AVEN: variants seen among roughly 807,000 people sequenced by gnomAD.
AVEN encodes the protein apoptosis and caspase activation inhibitor.
In AVEN, 41 loss-of-function variants were observed where a neutral mutation model predicts 38.1. The ratio of observed to expected loss-of-function variants is 1.08; its 90% confidence interval spans 0.84 to 1.40. The LOEUF (loss-of-function observed/expected upper bound fraction) is 1.40, where lower values mean the gene tolerates loss of function less well. Ranked by LOEUF, AVEN falls within the 40% of genes most tolerant of loss-of-function variation. The pLI, the probability that AVEN is intolerant of heterozygous loss-of-function variation, is 0.00. For missense variants in AVEN, 605 were observed against 438.8 expected (o/e 1.38, Z -3.38); for synonymous variants, 206 against 171.8 (o/e 1.20, Z -1.56).
chr15:33,853,045 A>G, the AVEN span: 11 of 1,606,412 alleles, frequency 6.8e-6, no homozygotes, highest in South Asian at 1.2e-4. Flanking sequence ...TGTTTTTCAG[A>G]TCTTTTCCTA....
intron 2 of AVEN, among the ~76,000 whole-genome samples, chr15:33,956,432 T>C (rs1894955705): frequency 6.6e-6 from 1 of 152,244 alleles, no homozygotes; most frequent in East Asian, 1.9e-4. Flanking sequence ...ATCTCTCCTA[T>C]GAGTGCATTG....
At chr15:34,029,517 C>CAAAAAAAAAAAA (rs66519745) in intron 1 of AVEN, among the ~76,000 whole-genome samples, 1 of 118,692 alleles carries the variant, frequency 8.4e-6, no homozygotes. Flanking sequence ...CCTATTTCTA[C>CAAAAAAAAAAAA]AAAAAAAAAA....
chr15:33,951,801 G>T (rs931950879), intron 2 of AVEN, among the ~76,000 whole-genome samples: 3 of 152,208 alleles, frequency 2.0e-5, no homozygotes, highest in African/African-American at 7.2e-5. Flanking sequence ...ATGATAAGAA[G>T]AAATTGTTTA....
intron 2 of AVEN, among the ~76,000 whole-genome samples, chr15:33,954,961 T>C (rs1376948286): frequency 2.0e-5 from 3 of 152,208 alleles, no homozygotes; most frequent in Non-Finnish European, 4.4e-5. Context: ...TGGCTATCTT[T>C]CTACAGCTTT....
intron 5 of AVEN, among the ~76,000 whole-genome samples, chr15:34,049,335 G>C (rs188975712): frequency 1.3e-5 from 2 of 152,322 alleles, no homozygotes; most frequent in African/African-American, 4.8e-5. Flanking sequence ...CTGACAGCCA[G>C]AGTAGCCAGT....
At chr15:34,038,665 C>CCGG in intron 1 of AVEN, 115 bp downstream of exon 1, 13 of 1,014,294 alleles carry the variant, frequency 1.3e-5, no homozygotes, top group Non-Finnish European at 1.4e-5. Context: ...GGCGCCGGCG[C>CCGG]CGCCGCCCGT....
intron 11 of AVEN, chr15:33,861,140 AAC>A (rs745611335): frequency 6.3e-7 from 1 of 1,597,130 alleles, no homozygotes; most frequent in Non-Finnish European, 8.5e-7. Flanking sequence ...ATGGTTTTGA[AAC>A]ACATACATTA....
chr15:33,866,417 A>AAAAC lies in AVEN; in HGVS notation c.*192_*195dup. ...AAATCTATTAGATTACTAAGCCAGA[A>AAAAC]AAACAAATGCAACAAGCTGCTTCAA... On this transcript the variant is annotated 3_prime_UTR_variant, in exon 6 of 6. Transcript: ENST00000306730. 5.1e-6 allele frequency: 3 copies of AAAAC among 585,532 alleles called. No individual in the cohort carries two copies. Among genetic ancestry groups the AAAAC allele is most frequent in the Middle Eastern group, 4.5e-4 (1 of 2,244 alleles). The allele number at this position is 585,532 out of a possible 1,614,324, so 36.3% of individuals were successfully genotyped here. A position where few individuals can be genotyped will look rare whatever the true frequency, so the allele number is the denominator to read the frequency against.
intron 2 of AVEN, among the ~76,000 whole-genome samples, chr15:34,069,695 C>T (rs12905359): frequency 0.014 from 2,120 of 152,188 alleles, 30 homozygotes; most frequent in Non-Finnish European, 0.021. Flanking sequence ...TTTTTATCTT[C>T]AGATTGAAGG....
intron 2 of AVEN, among the ~76,000 whole-genome samples, chr15:33,989,501 T>G (rs7183165): frequency 0.034 from 5,133 of 151,202 alleles, 290 homozygotes; most frequent in African/African-American, 0.12. Context: ...TAAGATCCCC[T>G]GACGCCCACC....
chr15:34,041,185 C>G, upstream of AVEN, among the ~76,000 whole-genome samples: 1 of 152,088 alleles, frequency 6.6e-6, no homozygotes, highest in Non-Finnish European at 1.5e-5. Flanking sequence ...CACTAGATGC[C>G]AGAATGAACC....
chr15:33,952,840 T>A (rs1302475946), intron 2 of AVEN, among the ~76,000 whole-genome samples: 2 of 148,522 alleles, frequency 1.3e-5, no homozygotes, highest in Non-Finnish European at 1.5e-5. Context: ...TACACCCTTG[T>A]CCATAAGAGG....
chr15:33,856,131 AGCT>A (rs570935712), downstream of AVEN: 38 of 152,358 alleles, frequency 2.5e-4, no homozygotes, highest in African/African-American at 8.7e-4. Flanking sequence ...AAGACCACAC[AGCT>A]GCTAAGTGGC....
rs114945412 is a variant in AVEN at position 33,869,747 on chromosome 15, T to G, written c.612+1188A>C. Among the ~76,000 whole-genome samples, 406 of 152,112 alleles carry G rather than the reference T, an allele frequency of 2.7e-3. 3 individuals carry two copies. Among genetic ancestry groups the G allele is most frequent in the African/African-American group, 9.4e-3 (390 of 41,466 alleles). On this transcript the variant is annotated intron_variant, in intron 4 of 5. Coordinates refer to ENST00000306730, the MANE Select transcript of AVEN (RefSeq NM_020371.3). Reference sequence around the variant, plus strand: ...TTCATTACTATGCTCAAGCTTAGCATCACATTCACCCACAGAAGGAAGTTG... The same window carrying G: ...TTCATTACTATGCTCAAGCTTAGCAGCACATTCACCCACAGAAGGAAGTTG...
chr15:33,898,694 G>A (rs191410900), intron 2 of AVEN, among the ~76,000 whole-genome samples: 97 of 152,248 alleles, frequency 6.4e-4, no homozygotes, highest in African/African-American at 2.2e-3. Flanking sequence ...TACAAATAAT[G>A]TCACATTCAC....
At chr15:34,070,022 A>G (rs1375191200) in intron 2 of AVEN, among the ~76,000 whole-genome samples, 1 of 152,226 alleles carries the variant, frequency 6.6e-6, no homozygotes, top group African/African-American at 2.4e-5. Flanking sequence ...ATTTATAAAG[A>G]AAAGAGGTTT....
At chr15:34,051,416 A>G (rs1899920997) in intron 5 of AVEN, among the ~76,000 whole-genome samples, 1 of 152,232 alleles carries the variant, frequency 6.6e-6, no homozygotes, top group Non-Finnish European at 1.5e-5. Context: ...AAAACCTAAC[A>G]TCACAACAAA....
intron 1 of AVEN, among the ~76,000 whole-genome samples, chr15:34,025,232 G>A (rs962249664): frequency 5.9e-5 from 9 of 152,216 alleles, no homozygotes; most frequent in African/African-American, 2.2e-4. Flanking sequence ...AATATGAAGT[G>A]TGGGAGGGAA....
chr15:33,971,438 C>G, intron 2 of AVEN, among the ~76,000 whole-genome samples: 1 of 151,890 alleles, frequency 6.6e-6, no homozygotes. Context: ...TATCCAAAAG[C>G]TATAAGCTTT....
Sources: gnomAD v4.1 joint callset for allele counts (sites outside exome capture counted in the v4.1 genomes callset) on GRCh38, gnomAD v4.1.1 for gene constraint, MANE v1.5 for transcripts, NCBI Gene and HGNC (gene_info 2026-07-23, HGNC 2026-07-21) for gene names.